DHRS7B: variants seen among roughly 807,000 people sequenced by gnomAD.
DHRS7B encodes peroxisomal reductase activating PPAR-gamma.
Under a neutral mutation model 26.4 loss-of-function variants are expected in DHRS7B, and 24 were observed. That is an observed-to-expected ratio of 0.91 (90% CI 0.66 to 1.28). DHRS7B has a LOEUF of 1.28. Among genes scored for constraint, DHRS7B ranks in the 50% most tolerant of loss-of-function variants. The pLI is 0.00. For synonymous variants in DHRS7B, 142 were observed against 166.4 expected, an observed-to-expected ratio of 0.85 and a Z score of 1.13; for missense variants, 368 against 419.4, an observed-to-expected ratio of 0.88 and a Z score of 1.07.
chr17:21,163,749 T>A (rs1439655044), intron 1 of DHRS7B, among the ~76,000 whole-genome samples: 2 of 152,144 alleles, frequency 1.3e-5, no homozygotes, highest in African/African-American at 4.8e-5. Flanking sequence ...ATCCTTAGGG[T>A]GTGATCACAG....
chr17:21,168,219 A>G (rs1191514059), intron 1 of DHRS7B, among the ~76,000 whole-genome samples: 1 of 152,222 alleles, frequency 6.6e-6, no homozygotes, highest in Non-Finnish European at 1.5e-5. Context: ...AAACTCTGGA[A>G]AGAGTCGGGA....
chr17:21,186,606 T>C (rs1597759539), intron 5 of DHRS7B, among the ~76,000 whole-genome samples: 1 of 152,384 alleles, frequency 6.6e-6, no homozygotes, highest in East Asian at 1.9e-4. Context: ...CTTCCTTTCT[T>C]TCTGTCTTCC....
chr17:21,159,238 TTTTC>T (rs547814079), intron 1 of DHRS7B, among the ~76,000 whole-genome samples: 10 of 145,196 alleles, frequency 6.9e-5, no homozygotes, highest in African/African-American at 1.0e-4. Context: ...AATATTTTCT[TTTTC>T]TTTCTTTCTT....
Position 21,130,358 on chromosome 17 carries a change from C to T in DHRS7B, c.20+3367C>T, listed in dbSNP as rs1720432587. 2.0e-5 allele frequency among the ~76,000 whole-genome samples: 3 copies of T among 152,170 alleles called. No homozygotes were observed. The South Asian group carries it at 6.2e-4, about 32-fold the overall frequency. ...GAGTCGAGATTGTGTCACTGTACTC[C>T]AGCCTGGGCTACAGAGTGAGACTCC... On this transcript the variant is annotated intron_variant, in intron 1 of 6. Transcript: ENST00000395511.
At chr17:21,180,778 C>T (rs1974500168) in intron 3 of DHRS7B, among the ~76,000 whole-genome samples, 3 of 152,210 alleles carry the variant, frequency 2.0e-5, no homozygotes, top group Admixed American at 2.0e-4. Flanking sequence ...AGTCCTCCAT[C>T]TGTCCTTTTT....
chr17:21,160,767 A>G (rs1056272398), intron 1 of DHRS7B, among the ~76,000 whole-genome samples: 5 of 152,232 alleles, frequency 3.3e-5, no homozygotes, highest in African/African-American at 9.6e-5. Flanking sequence ...AAAAACCTGC[A>G]CACAGATGTT....
chr17:21,176,943 G>A (rs1421874187), intron 2 of DHRS7B, among the ~76,000 whole-genome samples: 1 of 152,066 alleles, frequency 6.6e-6, no homozygotes, highest in Admixed American at 6.6e-5. Flanking sequence ...ATATGTTGCA[G>A]GGGAGGGTAA....
rs1262519322 is a variant in DHRS7B, at chr17:21,162,204, G to A, written c.21-9814G>A. On this transcript the variant is annotated intron_variant, in intron 1 of 6. Transcript: ENST00000395511. ...CAACCATGAGACTACATGAAATTAA[G>A]CAACATTTAATGTTTAATCCCTAGC... 3.9e-5 allele frequency among the ~76,000 whole-genome samples: 6 copies of A among 152,158 alleles called. No homozygotes were observed. In the East Asian group the frequency reaches 1.2e-3, roughly 29 times the overall value.
intron 2 of DHRS7B, among the ~76,000 whole-genome samples, chr17:21,176,518 T>C (rs1974382723): frequency 6.6e-6 from 1 of 152,004 alleles, no homozygotes; most frequent in South Asian, 2.1e-4. Flanking sequence ...GAAGGATCAC[T>C]GGAACCCAGG....
At chr17:21,178,773 C>G (rs1974448047) in intron 3 of DHRS7B, among the ~76,000 whole-genome samples, 1 of 151,622 alleles carries the variant, frequency 6.6e-6, no homozygotes, top group African/African-American at 2.4e-5. Context: ...ATTCTTCCGC[C>G]TCAGCCTCCT....
intron 1 of DHRS7B, chr17:21,128,854 G>A (rs1447847427): frequency 2.2e-5 from 3 of 138,818 alleles, no homozygotes; most frequent in African/African-American, 8.2e-5. Context: ...TGGGCGACAA[G>A]AGCGAGGAGA....
chr17:21,173,378 T>C (rs1022565621), intron 2 of DHRS7B, among the ~76,000 whole-genome samples: 1 of 151,992 alleles, frequency 6.6e-6, no homozygotes, highest in African/African-American at 2.4e-5. Flanking sequence ...AAACCTAGAG[T>C]CAAACCCACA....
intron 5 of DHRS7B, among the ~76,000 whole-genome samples, chr17:21,186,892 G>A (rs1297391991): frequency 6.6e-6 from 1 of 152,064 alleles, no homozygotes; most frequent in Non-Finnish European, 1.5e-5. Context: ...ACATAAGAAG[G>A]CAGGTTTGGA....
chr17:21,172,893 A>G (rs538663268), intron 2 of DHRS7B, among the ~76,000 whole-genome samples: 1 of 152,344 alleles, frequency 6.6e-6, no homozygotes, highest in Non-Finnish European at 1.5e-5. Context: ...TCTGAGTTAC[A>G]GGGCTCCATT....
intron 1 of DHRS7B, among the ~76,000 whole-genome samples, chr17:21,165,654 G>A (rs1025433853): frequency 1.6e-4 from 24 of 152,142 alleles, no homozygotes; most frequent in Middle Eastern, 3.4e-3. Flanking sequence ...TATTAAGGCC[G>A]GACGTGGTGG....
chr17:21,141,802 CAG>C (rs1245095263), intron 1 of DHRS7B, among the ~76,000 whole-genome samples: 1 of 151,586 alleles, frequency 6.6e-6, no homozygotes, highest in Non-Finnish European at 1.5e-5. Context: ...TTTGGGAGAT[CAG>C]GGATTCTCTG....
intron 3 of DHRS7B, among the ~76,000 whole-genome samples, chr17:21,179,868 G>A (rs924217656): frequency 3.3e-5 from 5 of 151,152 alleles, no homozygotes; most frequent in Admixed American, 2.0e-4. Flanking sequence ...CTGGGTTCAA[G>A]CGATTCTCCT....
intron 1 of DHRS7B, among the ~76,000 whole-genome samples, chr17:21,165,950 A>G (rs1974103618): frequency 6.6e-6 from 1 of 151,796 alleles, no homozygotes; most frequent in African/African-American, 2.4e-5. Context: ...TTAAAAACCA[A>G]AATTGTGTGT....
In DHRS7B at chr17:21,174,433, G is replaced by A. The variant is rs988667886; in HGVS notation, c.199+2237G>A. Among the ~76,000 whole-genome samples, 6 of 152,338 alleles carry A rather than the reference G, an allele frequency of 3.9e-5. No individual in the cohort carries two copies. In the East Asian group the frequency reaches 9.6e-4, roughly 24 times the overall value. ...CAGCTCTGTTGATTTCCAGCCAGGC[G>A]TGCCAGCGGCACTGGACAGTCATCT... On this transcript the variant is annotated intron_variant, in intron 2 of 6. Transcript: ENST00000395511.
Sources: allele counts gnomAD v4.1 joint callset (sites outside exome capture counted in the v4.1 genomes callset), GRCh38; gene constraint gnomAD v4.1.1; transcripts MANE v1.5; gene names NCBI Gene and HGNC (gene_info 2026-07-23, HGNC 2026-07-21).